Variants in KCNIP1 observed in about 807,000 individuals in gnomAD.
The protein encoded by KCNIP1 is potassium voltage-gated channel interacting protein 1.
Under a neutral mutation model 33.0 loss-of-function variants are expected in KCNIP1, and 18 were observed. The observed-to-expected ratio is 0.55, with a 90% CI of 0.38 to 0.81. The LOEUF (loss-of-function observed/expected upper bound fraction) is 0.81. Among genes scored for constraint, KCNIP1 ranks in the 30% least tolerant of loss-of-function variants. The probability of loss-of-function intolerance (pLI) is 0.00; values close to 1 mark genes in which losing one functional copy is unlikely to be tolerated. For synonymous variants in KCNIP1, 93 were observed against 98.3 expected (o/e 0.95, Z 0.32); for missense variants, 238 against 271.6 (o/e 0.88, Z 0.87).
intron 1 of KCNIP1, among the ~76,000 whole-genome samples, chr5:170,614,995 C>G (rs376422670): frequency 4.6e-5 from 7 of 152,218 alleles, no homozygotes; most frequent in African/African-American, 1.7e-4. Context: ...GCGGGTGAAT[C>G]ACCTGAGGTC....
Position 170,659,342 on chromosome 5 carries a change from T to G in KCNIP1, c.62-59416T>G, listed in dbSNP as rs556845368. Among the ~76,000 whole-genome samples, 13 of 152,284 alleles carry G rather than the reference T, an allele frequency of 8.5e-5. No homozygotes were observed. In the South Asian group the frequency reaches 2.7e-3, roughly 32 times the overall value. Reference sequence around the variant, plus strand: ...CAGAGGGACACCCAAATTAGGGACATACTTCAGAGGGACTAATGACAAAGG... The same window carrying G: ...CAGAGGGACACCCAAATTAGGGACAGACTTCAGAGGGACTAATGACAAAGG... On this transcript the variant is annotated intron_variant, in intron 1 of 7. Transcript: ENST00000328939.
chr5:170,715,720 T>G (rs1407744140), intron 1 of KCNIP1, among the ~76,000 whole-genome samples: 1 of 152,248 alleles, frequency 6.6e-6, no homozygotes, highest in Non-Finnish European at 1.5e-5. Flanking sequence ...GTGCTCTAAT[T>G]TATTCTTGTT....
intron 1 of KCNIP1, among the ~76,000 whole-genome samples, chr5:170,528,615 G>A (rs1370992354): frequency 6.6e-6 from 1 of 152,208 alleles, no homozygotes; most frequent in Non-Finnish European, 1.5e-5. Flanking sequence ...TATATGGAGA[G>A]AAGGGTTTTG....
intron 1 of KCNIP1, among the ~76,000 whole-genome samples, chr5:170,576,294 T>A (rs920233703): frequency 2.0e-5 from 3 of 152,220 alleles, no homozygotes; most frequent in Admixed American, 1.3e-4. Context: ...AGTCAGAATG[T>A]GACAACTAAA....
intron 1 of KCNIP1, among the ~76,000 whole-genome samples, chr5:170,542,298 G>A (rs1756241187): frequency 6.6e-6 from 1 of 152,184 alleles, no homozygotes; most frequent in African/African-American, 2.4e-5. Flanking sequence ...CACCTCAGGT[G>A]AAGATATGGA....
intron 1 of KCNIP1, among the ~76,000 whole-genome samples, chr5:170,462,264 C>CAAAAAAAAAAAA (rs760686464): frequency 2.3e-4 from 12 of 51,982 alleles, no homozygotes; most frequent in African/African-American, 4.7e-4. Context: ...AACAAATTAG[C>CAAAAAAAAAAAA]AAAAAAAAAA....
chr5:170,572,027 T>G (rs6876388), intron 1 of KCNIP1, among the ~76,000 whole-genome samples: 2,281 of 152,042 alleles, frequency 0.015, 59 homozygotes, highest in African/African-American at 0.052. Flanking sequence ...ACAGCCCAAG[T>G]AGTCTACTTG....
chr5:170,718,462 AT>A (rs1763705804), intron 1 of KCNIP1, among the ~76,000 whole-genome samples: 1 of 152,182 alleles, frequency 6.6e-6, no homozygotes, highest in Admixed American at 6.5e-5. Context: ...CAAAGAAGTT[AT>A]TTTTAAAGCA....
intron 1 of KCNIP1, among the ~76,000 whole-genome samples, chr5:170,534,791 G>T (rs867926176): frequency 6.6e-6 from 1 of 151,768 alleles, no homozygotes; most frequent in African/African-American, 2.4e-5. Flanking sequence ...CAAAGTGCTG[G>T]GATTACCAGC....
intron 1 of KCNIP1, among the ~76,000 whole-genome samples, chr5:170,619,871 C>G (rs1478493930): frequency 6.6e-6 from 1 of 152,126 alleles, no homozygotes; most frequent in Admixed American, 6.5e-5. Context: ...CTTTAGAAAT[C>G]CTCAGATCAC....
intron 7 of KCNIP1, among the ~76,000 whole-genome samples, chr5:170,735,209 C>A (rs941183558): frequency 6.6e-6 from 1 of 152,118 alleles, no homozygotes; most frequent in Non-Finnish European, 1.5e-5. Flanking sequence ...GTCTCTATTG[C>A]ATGTTCTGTA....
chr5:170,735,621 C>A (rs1764360829), intron 7 of KCNIP1, 138 bp from the exon 8 acceptor site: 5 of 691,408 alleles, frequency 7.2e-6, no homozygotes, highest in African/African-American at 7.1e-5. Flanking sequence ...AGGTCCCCAC[C>A]CTTACTTCTT....
intron 1 of KCNIP1, among the ~76,000 whole-genome samples, chr5:170,412,531 C>T (rs748294974): frequency 6.6e-6 from 1 of 152,130 alleles, no homozygotes; most frequent in Non-Finnish European, 1.5e-5. Context: ...AACGTGCAAA[C>T]CCTTTCATCC....
At chr5:170,439,665 C>T (rs2113460423) in intron 1 of KCNIP1, among the ~76,000 whole-genome samples, 1 of 152,334 alleles carries the variant, frequency 6.6e-6, no homozygotes, top group East Asian at 1.9e-4. Flanking sequence ...GCCTGAGGAA[C>T]CCTCAGCCTC....
chr5:170,431,937 G>A (rs1177695774), intron 1 of KCNIP1, among the ~76,000 whole-genome samples: 1 of 152,168 alleles, frequency 6.6e-6, no homozygotes, highest in Non-Finnish European at 1.5e-5. Context: ...CTAAGGCTCA[G>A]GCCTGAGGGG....
intron 1 of KCNIP1, among the ~76,000 whole-genome samples, chr5:170,356,748 T>C (rs1284832488): frequency 6.6e-6 from 1 of 152,208 alleles, no homozygotes; most frequent in Non-Finnish European, 1.5e-5. Context: ...AGTATGTGTG[T>C]TACCGTGTTA....
At chr5:170,426,506 G>A (rs1755618282) in intron 1 of KCNIP1, among the ~76,000 whole-genome samples, 1 of 152,212 alleles carries the variant, frequency 6.6e-6, no homozygotes, top group South Asian at 2.1e-4. Flanking sequence ...AGATCCAGCA[G>A]TTACTGTCTA....
At chr5:170,401,705 T>G (rs1325008046) in intron 1 of KCNIP1, among the ~76,000 whole-genome samples, 1 of 151,120 alleles carries the variant, frequency 6.6e-6, no homozygotes, top group Non-Finnish European at 1.5e-5. Flanking sequence ...AAGGCTGCAG[T>G]AAGCCGTGAT....
chr5:170,610,797 G>A (rs187595813), intron 1 of KCNIP1, among the ~76,000 whole-genome samples: 1 of 152,312 alleles, frequency 6.6e-6, no homozygotes, highest in African/African-American at 2.4e-5. Flanking sequence ...CTGCTAGAGT[G>A]TGTTTCCTGT....
Sources: gnomAD v4.1 joint callset for allele counts (sites outside exome capture counted in the v4.1 genomes callset) on GRCh38, gnomAD v4.1.1 for gene constraint, MANE v1.5 for transcripts, NCBI Gene and HGNC (gene_info 2026-07-23, HGNC 2026-07-21) for gene names.